MCF2L: variants seen among roughly 807,000 people sequenced by gnomAD.
The protein encoded by MCF2L is MCF.2 cell line derived transforming sequence like, also known as guanine nucleotide exchange factor DBS.
A neutral mutation model predicts 153.4 loss-of-function variants in MCF2L; 97 were observed. The observed-to-expected ratio is 0.63, with a 90% CI of 0.54 to 0.75. MCF2L has a LOEUF of 0.75. MCF2L is among the 30% of genes least tolerant of loss of function. MCF2L has a pLI of 0.00. For synonymous variants in MCF2L, 659 were observed against 632.2 expected (o/e 1.04, Z -0.64); for missense variants, 1,347 against 1,495.2 (o/e 0.90, Z 1.64).
chr13:113,085,263 C>T (rs529682902), intron 20 of MCF2L, 85 bp downstream of exon 20: 41 of 1,152,890 alleles, frequency 3.6e-5, no homozygotes, highest in Middle Eastern at 2.8e-4. Flanking sequence ...GTCCCCATCG[C>T]GCCCTGCCCC....
intron 2 of MCF2L, among the ~76,000 whole-genome samples, chr13:112,938,462 C>T (rs2140656513): frequency 6.6e-6 from 1 of 152,222 alleles, no homozygotes; most frequent in Middle Eastern, 3.4e-3. Context: ...CCCAGTTGGG[C>T]ACTCCGGGTG....
chr13:113,004,289 G>T (rs543647643), intron 1 of MCF2L, among the ~76,000 whole-genome samples: 1 of 152,210 alleles, frequency 6.6e-6, no homozygotes. Flanking sequence ...CTGCCCGTCA[G>T]TGTGCGGCCA....
rs1438376580 is a variant in MCF2L, at chr13:113,096,781, C to A, written c.3300C>A (p.Ser1100Arg). 6.4e-7 allele frequency: 1 copy of A among 1,567,592 alleles called. No homozygotes were observed. The highest frequency in any genetic ancestry group is 1.1e-5 in the South Asian group (1 of 87,096). The change falls in exon 30 of 30, where the codon AGC becomes AGA. Residue 1100 changes from serine to arginine, a missense_variant. Ser to Arg is a moderately radical substitution (Grantham distance 110). This residue lies in a region of MCF2L where 383 missense variants were observed against 335.4 expected (regional missense o/e 1.14). Coordinates refer to ENST00000535094, the MANE Select transcript of MCF2L (RefSeq NM_001112732.3). Reference sequence around the variant, plus strand: ...CGCCTGATCTCCCCGCAGAGTCGAGCCCGGGGTCGGCCGTGCTGAGCAACT... The same window carrying A: ...CGCCTGATCTCCCCGCAGAGTCGAGACCGGGGTCGGCCGTGCTGAGCAACT... ...SAQCLSSSES[S>R]PGSAVLSNSS...
In MCF2L at chr13:113,096,975, G is replaced by T; in HGVS notation, c.*116G>T. The T allele has an allele frequency of 1.5e-6, 1 of 652,960 alleles. No individual in the cohort carries two copies. Among genetic ancestry groups the T allele is most frequent in the South Asian group, 3.8e-5 (1 of 26,642 alleles). 40.4% of individuals were successfully genotyped at this position (652,960 alleles called of 1,614,324 possible). A position where few individuals can be genotyped will look rare whatever the true frequency, so the allele number is the denominator to read the frequency against. Reference sequence around the variant, plus strand: ...CTCACCGCCCCCACCCAGAGCGCCTGGCCGTGCGGGCTGCAGAGGACCCCT... The same window carrying T: ...CTCACCGCCCCCACCCAGAGCGCCTTGCCGTGCGGGCTGCAGAGGACCCCT... On this transcript the variant is annotated 3_prime_UTR_variant, in exon 30 of 30. Transcript: ENST00000535094.
At chr13:113,013,381 C>T (rs1003621157) in intron 1 of MCF2L, among the ~76,000 whole-genome samples, 8 of 152,128 alleles carry the variant, frequency 5.3e-5, no homozygotes, top group African/African-American at 9.7e-5. Context: ...CCCATGACAC[C>T]GTGGCCCTGC....
chr13:113,089,733 G>T lies in MCF2L; in HGVS notation c.2953+5G>T. 1 of 1,612,050 alleles carries T rather than the reference G, an allele frequency of 6.2e-7. No individual in the cohort carries two copies. On this transcript the variant is annotated splice_donor_5th_base_variant and intron_variant, in intron 26 of 29. Coordinates refer to ENST00000535094, the MANE Select transcript of MCF2L (RefSeq NM_001112732.3). ...AGCCCCCCGAAAAGGGCAAAGGTGG[G>T]TATGTGCAGGGACCGGGCCTCACAC...
At chr13:113,082,569 C>T (rs369830658) in intron 17 of MCF2L, 27 bp downstream of exon 17, 45 of 1,467,638 alleles carry the variant, frequency 3.1e-5, no homozygotes, top group East Asian at 6.9e-5. Flanking sequence ...GACACAGGCA[C>T]GCACCCGTGA....
rs554535552 is a variant in MCF2L, at chr13:112,973,017, C to T, written c.79+3559C>T. Among the ~76,000 whole-genome samples, 369 of 151,932 alleles carry T rather than the reference C, an allele frequency of 2.4e-3. 2 individuals carry two copies. The highest frequency in any genetic ancestry group is 2.9e-3 in the Non-Finnish European group (196 of 67,948). On this transcript the variant is annotated intron_variant, in intron 1 of 29. Coordinates refer to ENST00000535094, the MANE Select transcript of MCF2L (RefSeq NM_001112732.3). Reference sequence around the variant, plus strand: ...ACACAGGCACAGCTGTTCGGCACCCCCCAGTTGCAGGTCTCAGAGGAAAAG... The same window carrying T: ...ACACAGGCACAGCTGTTCGGCACCCTCCAGTTGCAGGTCTCAGAGGAAAAG...
At chr13:112,930,806 G>T (rs988245960) in intron 2 of MCF2L, among the ~76,000 whole-genome samples, 11 of 152,122 alleles carry the variant, frequency 7.2e-5, no homozygotes, top group Admixed American at 1.3e-4. Context: ...GCATGGTGGA[G>T]CGTGCCTGTA....
rs1040166090 is a variant in MCF2L at position 113,031,898 on chromosome 13, G to A, written c.278+7140G>A. 1.1e-4 allele frequency among the ~76,000 whole-genome samples: 16 copies of A among 151,538 alleles called. No homozygotes were observed. The South Asian group carries it at 1.7e-3, about 16-fold the overall frequency. ...CACACACACACACACACAGATGCACGCAGACACGCAGGCACTCATGCACTT... is the reference window on the plus strand; with the variant it reads ...CACACACACACACACACAGATGCACACAGACACGCAGGCACTCATGCACTT... On this transcript the variant is annotated intron_variant, in intron 3 of 29. Coordinates refer to ENST00000535094, the MANE Select transcript of MCF2L (RefSeq NM_001112732.3). The surrounding 1 kb of genome is among the most constrained non-coding windows in gnomAD (Gnocchi z 5.5).
Position 113,084,873 on chromosome 13 carries a change from T to C in MCF2L, c.2062-19T>C. On this transcript the variant is annotated intron_variant, in intron 18 of 29. Coordinates refer to ENST00000535094, the MANE Select transcript of MCF2L (RefSeq NM_001112732.3). Reference sequence around the variant, plus strand: ...GCCCATCCCTCACTGCGTGATGCGGTGCCTGTCCCTCGGTGCAGATGGAAG... The same window carrying C: ...GCCCATCCCTCACTGCGTGATGCGGCGCCTGTCCCTCGGTGCAGATGGAAG... 2 of 1,595,252 alleles carry C rather than the reference T, an allele frequency of 1.3e-6. No homozygotes were observed. The highest frequency in any genetic ancestry group is 1.3e-5 in the African/African-American group (1 of 74,680).
intron 21 of MCF2L, among the ~76,000 whole-genome samples, chr13:113,086,893 CTGATTAGTGACTGA>C (rs1165407232): frequency 9.2e-5 from 14 of 152,218 alleles, no homozygotes; most frequent in African/African-American, 3.4e-4. Context: ...AGCGCTGATG[CTGATTAGTGACTGA>C]GGGCCGTTCC....
In MCF2L at chr13:113,088,400, G is replaced by A. The variant is rs1431116904; in HGVS notation, c.2762G>A (p.Cys921Tyr). ...GTGCTGACCAGCCAGCTGCAGGCTTGTAGAGGTGAGGCTGTCTTCAAGCGA... is the reference window on the plus strand; with the variant it reads ...GTGCTGACCAGCCAGCTGCAGGCTTATAGAGGTGAGGCTGTCTTCAAGCGA... Reference protein sequence around the residue: ...RKVLTSQLQACREASQHRALE... With the variant: ...RKVLTSQLQAYREASQHRALE... Residue 921 changes from cysteine to tyrosine, a missense_variant, in exon 24 of 30, where the codon TGT becomes TAT. Coordinates refer to ENST00000535094, the MANE Select transcript of MCF2L (RefSeq NM_001112732.3). The A allele has an allele frequency of 6.2e-7, 1 of 1,613,968 alleles. No homozygotes were observed. The highest frequency in any genetic ancestry group is 1.7e-5 in the Admixed American group (1 of 60,036).
At chr13:113,020,707 G>T (rs907398115) in intron 2 of MCF2L, among the ~76,000 whole-genome samples, 3 of 152,194 alleles carry the variant, frequency 2.0e-5, no homozygotes, top group Non-Finnish European at 2.9e-5. Flanking sequence ...CACTGTCCCC[G>T]TGGGGGTCAG....
chr13:113,052,268 T>C lies in MCF2L; in HGVS notation c.369+6907T>C, dbSNP rs528484358. Among the ~76,000 whole-genome samples, 6 of 152,328 alleles carry C rather than the reference T, an allele frequency of 3.9e-5. No individual in the cohort carries two copies. The South Asian group carries it at 1.2e-3, about 32-fold the overall frequency. On this transcript the variant is annotated intron_variant, in intron 4 of 29. Coordinates refer to ENST00000535094, the MANE Select transcript of MCF2L (RefSeq NM_001112732.3). ...AAAGAGCTCTGAGACCCGGGCTCGC[T>C]CAGCGGTTTTTTCTCGCAGAGAAGA...
In MCF2L at chr13:112,918,956, C is replaced by T. The variant is rs972885906; in HGVS notation, c.169+16585C>T. 3.3e-5 allele frequency among the ~76,000 whole-genome samples: 5 copies of T among 152,142 alleles called. 1 individual carries two copies. The highest frequency in any genetic ancestry group is 4.1e-4 in the South Asian group (2 of 4,828). ...GCTCTGCCCCTGCGCTTCCCCGACG[C>T]GCGCCCCCTTCCACTGCACTTGCTG... is the stretch of plus-strand genomic sequence containing the variant. On this transcript the variant is annotated intron_variant, in intron 2 of 29. Coordinates refer to the MCF2L transcript ENST00000375608.
chr13:113,049,777 A>C (rs1267836331), intron 4 of MCF2L, among the ~76,000 whole-genome samples: 2 of 152,158 alleles, frequency 1.3e-5, no homozygotes, highest in Non-Finnish European at 2.9e-5. Context: ...GCGCTTACAT[A>C]ATGTGCCGGG....
Position 113,046,774 on chromosome 13 carries a change from G to A in MCF2L, c.369+1413G>A. The A allele has an allele frequency of 2.3e-6, 1 of 435,022 alleles. No homozygotes were observed. The allele number at this position is 435,022 out of a possible 1,614,324, so 26.9% of individuals were successfully genotyped here. ...CCCGTTCCTGACCCTGACTCAACCT[G>A]GCACACACCACCTATGGCATCGTTA... On this transcript the variant is annotated intron_variant, in intron 4 of 29. Transcript: ENST00000535094. This position sits in a 1 kb window ranked among gnomAD's most constrained non-coding sequence, Gnocchi z 4.4.
At chr13:113,026,634 C>T (rs1193722231) in intron 3 of MCF2L, among the ~76,000 whole-genome samples, 3 of 152,204 alleles carry the variant, frequency 2.0e-5, no homozygotes, top group Non-Finnish European at 2.9e-5. Context: ...CCCATCTGCA[C>T]GGGACCTGAT....
Sources: allele counts gnomAD v4.1 joint callset (sites outside exome capture counted in the v4.1 genomes callset), GRCh38; gene constraint gnomAD v4.1.1; regional missense constraint gnomAD v4.1.1; non-coding constraint Gnocchi (gnomAD v3.1); transcripts MANE v1.5; gene names NCBI Gene and HGNC (gene_info 2026-07-23, HGNC 2026-07-21).